The following RAB38 variants were observed in gnomAD, a reference collection of about 807,000 sequenced individuals.
The protein encoded by RAB38 is RAB38, member RAS oncogene family, also known as ras-related protein Rab-38.
A neutral mutation model predicts 18.4 loss-of-function variants in RAB38; 15 were observed. The observed-to-expected ratio is 0.82, with a 90% CI of 0.55 to 1.26. The LOEUF (loss-of-function observed/expected upper bound fraction) is 1.26. Ranked by LOEUF, RAB38 falls within the 50% of genes most tolerant of loss-of-function variation. The pLI, the probability that RAB38 is intolerant of heterozygous loss-of-function variation, is 0.00. For synonymous variants in RAB38, 101 were observed against 104.4 expected (o/e 0.97, Z 0.20); for missense variants, 294 against 267.4 (o/e 1.10, Z -0.69).
the RAB38 span, among the ~76,000 whole-genome samples, chr11:87,809,946 AAGC>A: frequency 8.0e-6 from 1 of 124,414 alleles, no homozygotes. Context: ...AAGTAATAAA[AAGC>A]AGATATTAAT....
the RAB38 span, among the ~76,000 whole-genome samples, chr11:88,076,970 AAAAAAGAAAG>A: frequency 9.1e-6 from 1 of 110,118 alleles, no homozygotes. Flanking sequence ...AAAAAAAAAA[AAAAAAGAAAG>A]AAAGAAAGAA....
At chr11:88,137,500 T>C (rs561551942) in intron 2 of RAB38, among the ~76,000 whole-genome samples, 2 of 152,122 alleles carry the variant, frequency 1.3e-5, no homozygotes, top group South Asian at 2.1e-4. Flanking sequence ...GACTGGAAAA[T>C]TGCAGCAAAC....
chr11:88,026,175 G>A, the RAB38 span, among the ~76,000 whole-genome samples: 1 of 152,046 alleles, frequency 6.6e-6, no homozygotes, highest in Admixed American at 6.6e-5. Flanking sequence ...ATGTTGGTCA[G>A]ACTGGTCTTA....
chr11:87,826,810 T>C, the RAB38 span, among the ~76,000 whole-genome samples: 301 of 152,256 alleles, frequency 2.0e-3, 2 homozygotes, highest in Middle Eastern at 0.01. Context: ...GGTGTTGGTC[T>C]AGAACACACC....
chr11:88,094,545 T>C, the RAB38 span, among the ~76,000 whole-genome samples: 1 of 151,930 alleles, frequency 6.6e-6, no homozygotes, highest in East Asian at 1.9e-4. Flanking sequence ...TCCTCATGTC[T>C]CCACTTTCCT....
At chr11:87,858,494 G>A in the RAB38 span, among the ~76,000 whole-genome samples, 1 of 152,014 alleles carries the variant, frequency 6.6e-6, no homozygotes, top group Admixed American at 6.6e-5. Flanking sequence ...TCATTCATGG[G>A]ATCACATTAA....
the RAB38 span, among the ~76,000 whole-genome samples, chr11:87,956,943 T>C: frequency 4.0e-5 from 6 of 150,246 alleles, no homozygotes; most frequent in South Asian, 2.2e-4. Context: ...TACAGGACTG[T>C]CCATTCCTCA....
the RAB38 span, among the ~76,000 whole-genome samples, chr11:87,965,002 T>C: frequency 2.0e-5 from 3 of 152,206 alleles, no homozygotes. Flanking sequence ...TAGTTAGCAC[T>C]GTTAACATAT....
the RAB38 span, among the ~76,000 whole-genome samples, chr11:87,944,613 C>T: frequency 2.0e-5 from 3 of 152,138 alleles, no homozygotes; most frequent in South Asian, 6.2e-4. Flanking sequence ...ACTCTTGGGC[C>T]TTAGGAACCT....
the RAB38 span, among the ~76,000 whole-genome samples, chr11:87,838,271 C>T: frequency 0.12 from 17,949 of 151,906 alleles, 1,348 homozygotes; most frequent in African/African-American, 0.2. Flanking sequence ...CCTGCCACCA[C>T]GCCCAGCTAA....
At chr11:87,865,605 A>G in the RAB38 span, among the ~76,000 whole-genome samples, 1 of 151,706 alleles carries the variant, frequency 6.6e-6, no homozygotes, top group East Asian at 1.9e-4. Flanking sequence ...TGTTGCCTGA[A>G]GCCACTAACT....
At chr11:88,142,465 C>T (rs912381471) in intron 2 of RAB38, among the ~76,000 whole-genome samples, 4 of 152,196 alleles carry the variant, frequency 2.6e-5, no homozygotes, top group Non-Finnish European at 4.4e-5. Flanking sequence ...AGCATGGATC[C>T]TCTTTTACAG....
the RAB38 span, among the ~76,000 whole-genome samples, chr11:87,973,278 T>C: frequency 6.6e-6 from 1 of 152,024 alleles, no homozygotes; most frequent in South Asian, 2.1e-4. Flanking sequence ...AAAAGACTAC[T>C]ATAATAATTA....
chr11:87,958,554 C>G, the RAB38 span, among the ~76,000 whole-genome samples: 1 of 152,144 alleles, frequency 6.6e-6, no homozygotes, highest in Non-Finnish European at 1.5e-5. Context: ...CTAGAACACT[C>G]TGGTCTCCAT....
At chr11:87,815,634 G>C in the RAB38 span, 1 of 152,108 alleles carries the variant, frequency 6.6e-6, no homozygotes, top group Non-Finnish European at 1.5e-5. Flanking sequence ...ATCATGTAAC[G>C]GTGACTTTAT....
chr11:88,083,502 A>G, the RAB38 span, among the ~76,000 whole-genome samples: 2 of 151,914 alleles, frequency 1.3e-5, no homozygotes, highest in Non-Finnish European at 2.9e-5. Context: ...TATTCAATTA[A>G]ATGTGGCAAA....
intron 1 of RAB38, 134 bp downstream of exon 1, chr11:88,175,049 T>C: frequency 8.9e-6 from 10 of 1,126,762 alleles, no homozygotes; most frequent in Non-Finnish European, 1.2e-5. Flanking sequence ...TGAAACTAAG[T>C]TTCCAGCCCA....
the RAB38 span, among the ~76,000 whole-genome samples, chr11:88,032,580 A>G: frequency 6.6e-6 from 1 of 152,256 alleles, no homozygotes; most frequent in Non-Finnish European, 1.5e-5. Flanking sequence ...ATGGACAGAC[A>G]TTTCTCAGAA....
chr11:87,910,633 CTTTTTTTT>C, the RAB38 span, among the ~76,000 whole-genome samples: 3 of 131,104 alleles, frequency 2.3e-5, no homozygotes, highest in Admixed American at 8.2e-5. Flanking sequence ...AGTTCATTTT[CTTTTTTTT>C]TTTTTTTTTT....
Sources: allele counts gnomAD v4.1 joint callset (sites outside exome capture counted in the v4.1 genomes callset), GRCh38; gene constraint gnomAD v4.1.1; transcripts MANE v1.5; gene names NCBI Gene and HGNC (gene_info 2026-07-23, HGNC 2026-07-21).